Variants in TRPC1 observed in about 807,000 individuals in gnomAD.
TRPC1 encodes transient receptor potential cation channel subfamily C member 1.
Under a neutral mutation model 88.2 loss-of-function variants are expected in TRPC1, and 42 were observed. The ratio of observed to expected loss-of-function variants is 0.48; its 90% CI spans 0.37 to 0.62. The LOEUF is 0.62. Ranked by LOEUF, TRPC1 falls within the 20% of genes least tolerant of loss-of-function variation. The pLI is 0.00. For missense variants in TRPC1, 699 were observed against 957.3 expected (o/e 0.73, Z 3.56); for synonymous variants, 288 against 331.8 (o/e 0.87, Z 1.43).
intron 2 of TRPC1, 141 bp from the exon 3 acceptor site, chr3:142,743,344 A>C: frequency 1.8e-6 from 1 of 569,288 alleles, no homozygotes; most frequent in Non-Finnish European, 3.0e-6. Context: ...CTATTTGTAC[A>C]GTCAAAATTT....
At chr3:142,805,735 C>T (rs747012805) in intron 12 of TRPC1, among the ~76,000 whole-genome samples, 9 of 152,040 alleles carry the variant, frequency 5.9e-5, no homozygotes, top group Non-Finnish European at 1.2e-4. Context: ...CCATATTTGG[C>T]TTGTGGGTTG....
At chr3:142,803,028 C>T (rs1322126719) in intron 10 of TRPC1, among the ~76,000 whole-genome samples, 1 of 152,094 alleles carries the variant, frequency 6.6e-6, no homozygotes, top group African/African-American at 2.4e-5. Context: ...AAGTGCTGAG[C>T]AAATGAAGTA....
In TRPC1 at chr3:142,780,994, C is replaced by A. The variant is rs1935940978; in HGVS notation, c.925C>A (p.Arg309Ser). 3 of 1,612,492 alleles carry A rather than the reference C, an allele frequency of 1.9e-6. No individual in the cohort carries two copies. The highest frequency in any genetic ancestry group is 2.2e-5 in the South Asian group (2 of 90,732). Reference protein sequence around the residue: ...GLLEERMNLSRLKLAIKYNQK... With the variant: ...GLLEERMNLSSLKLAIKYNQK... ...ATTAGAAGAAAGAATGAATTTAAGT[C>A]GTCTAAAACTTGCTATCAAATATAA... Residue 309 changes from arginine (R) to serine (S), a missense_variant, in exon 6 of 13, where the codon CGT becomes AGT. Around this residue, in one of 4 missense-constraint regions of TRPC1, gnomAD observed 426 missense variants for 641.3 expected, o/e 0.66. Coordinates refer to ENST00000476941, the MANE Select transcript of TRPC1 (RefSeq NM_001251845.2).
intron 12 of TRPC1, among the ~76,000 whole-genome samples, chr3:142,805,092 C>T (rs1325644292): frequency 1.3e-5 from 2 of 150,664 alleles, no homozygotes; most frequent in Non-Finnish European, 3.0e-5. Flanking sequence ...CAGAGCGAGA[C>T]TCCACCTCAG....
At chr3:142,770,191 G>A (rs568704901) in intron 4 of TRPC1, among the ~76,000 whole-genome samples, 1 of 150,038 alleles carries the variant, frequency 6.7e-6, no homozygotes, top group African/African-American at 2.5e-5. Context: ...CTGCCTCCTG[G>A]GTTCAAGTGA....
At chr3:142,740,055 T>C (rs1321421370) in intron 2 of TRPC1, among the ~76,000 whole-genome samples, 2 of 152,160 alleles carry the variant, frequency 1.3e-5, no homozygotes, top group Admixed American at 1.3e-4. Context: ...GGGATCTAGG[T>C]TGCATGCTCC....
intron 2 of TRPC1, among the ~76,000 whole-genome samples, chr3:142,737,315 A>G (rs569642912): frequency 2.1e-3 from 251 of 122,118 alleles, no homozygotes; most frequent in African/African-American, 7.1e-3. Context: ...TTCTATGTAC[A>G]TTGCTATTTT....
chr3:142,780,000 A>C lies in TRPC1; in HGVS notation c.765-834A>C, dbSNP rs923684695. ...GTAGCTGGGATTACAGGCACCTGCC[A>C]CCATGCCTGACTAATTTTTGTATTT... On this transcript the variant is annotated intron_variant, in intron 5 of 12. Transcript: ENST00000476941. 1.7e-4 allele frequency among the ~76,000 whole-genome samples: 25 copies of C among 150,988 alleles called. 1 individual carries two copies. Among genetic ancestry groups the C allele is most frequent in the African/African-American group, 5.6e-4 (23 of 41,024 alleles).
chr3:142,785,070 G>A lies in TRPC1; in HGVS notation c.1297+30G>A, dbSNP rs149067261. On this transcript the variant is annotated intron_variant, in intron 7 of 12. Coordinates refer to ENST00000476941, the MANE Select transcript of TRPC1 (RefSeq NM_001251845.2). ...GTATCAAGTTAGTTTGAAAGGTTTTGTCTTTATTTAGCCCACTGATTCTTT... is the reference window on the plus strand; with the variant it reads ...GTATCAAGTTAGTTTGAAAGGTTTTATCTTTATTTAGCCCACTGATTCTTT... 46 of 1,523,110 alleles carry A rather than the reference G, an allele frequency of 3.0e-5. No homozygotes were observed. The African/African-American group carries it at 6.2e-4, about 21-fold the overall frequency. 94.3% of individuals were successfully genotyped at this position (1,523,110 alleles called of 1,614,324 possible).
chr3:142,738,787 A>G (rs898538783), intron 2 of TRPC1, among the ~76,000 whole-genome samples: 3 of 152,186 alleles, frequency 2.0e-5, no homozygotes, highest in Admixed American at 6.5e-5. Flanking sequence ...GGTTGGGGCT[A>G]TCAAGAAAGA....
Position 142,724,550 on chromosome 3 carries a change from A to C in TRPC1, c.-10A>C. 1 of 1,555,820 alleles carries C rather than the reference A, an allele frequency of 6.4e-7. No homozygotes were observed. The highest frequency in any genetic ancestry group is 8.7e-7 in the Non-Finnish European group (1 of 1,153,184). ...CCCCGTCTCCTGGCCTGCCCCCTTCATGGGCCGCGATGATGGCGGCCCTGT... is the reference window on the plus strand; with the variant it reads ...CCCCGTCTCCTGGCCTGCCCCCTTCCTGGGCCGCGATGATGGCGGCCCTGT... On this transcript the variant is annotated 5_prime_UTR_variant, in exon 1 of 13. The change abolishes an upstream ATG in the 5' untranslated region. Transcript: ENST00000476941. This position sits in a 1 kb window ranked among gnomAD's most constrained non-coding sequence, Gnocchi z 5.6.
chr3:142,737,171 C>T (rs1261552618), intron 2 of TRPC1, among the ~76,000 whole-genome samples: 1 of 150,326 alleles, frequency 6.7e-6, no homozygotes, highest in Non-Finnish European at 1.5e-5. Flanking sequence ...ATTTTCCTTT[C>T]CTTTTTGGTT....
chr3:142,760,414 G>T (rs2108072679), intron 4 of TRPC1, among the ~76,000 whole-genome samples: 1 of 152,102 alleles, frequency 6.6e-6, no homozygotes, highest in Middle Eastern at 3.4e-3. Flanking sequence ...TTATATGTGG[G>T]TCTGTATTAT....
chr3:142,763,073 T>C (rs1935241719), intron 4 of TRPC1, among the ~76,000 whole-genome samples: 1 of 152,312 alleles, frequency 6.6e-6, no homozygotes, highest in African/African-American at 2.4e-5. Flanking sequence ...TTAGACTTGT[T>C]TTGTAGCCTA....
At chr3:142,732,189 G>A (rs1177692118) in intron 1 of TRPC1, among the ~76,000 whole-genome samples, 2 of 152,128 alleles carry the variant, frequency 1.3e-5, no homozygotes, top group Non-Finnish European at 2.9e-5. Flanking sequence ...TACAAAATAC[G>A]GGGCTTGGGG....
chr3:142,776,140 A>G lies in TRPC1; in HGVS notation c.633-1492A>G, dbSNP rs1009092422. On this transcript the variant is annotated intron_variant, in intron 4 of 12. Transcript: ENST00000476941. The surrounding 1 kb of genome is among the most constrained non-coding windows in gnomAD (Gnocchi z 4.1). ...GGTAACACAGAAAGAGATTCATGAT[A>G]TGTTACACTTTTTAAAAAGCAAGCT... Among the ~76,000 whole-genome samples, 4 of 152,184 alleles carry G rather than the reference A, an allele frequency of 2.6e-5. No individual in the cohort carries two copies. The highest frequency in any genetic ancestry group is 7.2e-5 in the African/African-American group (3 of 41,452).
In TRPC1 at chr3:142,806,030, A is replaced by T. The variant is rs750147038; in HGVS notation, c.2177A>T (p.Lys726Met). ...SLKEWRNLKQKRDENYQKVMC... is the reference protein window; with the variant it reads ...SLKEWRNLKQMRDENYQKVMC... ...AAGGAATGGAGGAATTTGAAACAGA[A>T]GAGAGATGAAAACTATCAAAAAGTG... The change falls in exon 13 of 13, where the codon AAG becomes ATG. Residue 726 changes from lysine to methionine, a missense_variant. Lys to Met is a moderately conservative substitution (Grantham distance 95, BLOSUM62 -1). This residue lies in a region of TRPC1 where 105 missense variants were observed against 141.7 expected (regional missense o/e 0.74). Coordinates refer to ENST00000476941, the MANE Select transcript of TRPC1 (RefSeq NM_001251845.2). The T allele has an allele frequency of 1.2e-6, 2 of 1,613,474 alleles. No homozygotes were observed. The highest frequency in any genetic ancestry group is 2.7e-5 in the African/African-American group (2 of 74,916).
intron 6 of TRPC1, among the ~76,000 whole-genome samples, chr3:142,784,288 G>GA (rs1247478103): frequency 6.6e-6 from 1 of 152,032 alleles, no homozygotes; most frequent in African/African-American, 2.4e-5. Flanking sequence ...TATTAAACAT[G>GA]AAAAAATGGC....
At chr3:142,777,499 G>A (rs1013381664) in intron 4 of TRPC1, 133 bp from the exon 5 acceptor site, 1 of 508,354 alleles carries the variant, frequency 2.0e-6, no homozygotes. Flanking sequence ...AGGTTATCTT[G>A]TAATAAATAT....
Sources: gnomAD v4.1 joint callset for allele counts (sites outside exome capture counted in the v4.1 genomes callset) on GRCh38, gnomAD v4.1.1 for gene constraint, gnomAD v4.1.1 regional missense constraint, Gnocchi (gnomAD v3.1) non-coding constraint, MANE v1.5 for transcripts, NCBI Gene and HGNC (gene_info 2026-07-23, HGNC 2026-07-21) for gene names.